The following TRAK2 variants were observed in gnomAD, a reference collection of about 807,000 sequenced individuals.
TRAK2 encodes trafficking kinesin protein 2.
TRAK2 carries 81 observed loss-of-function variants against 104.6 expected under a neutral mutation model. That is an observed-to-expected ratio of 0.77 (90% CI 0.65 to 0.93). The LOEUF (loss-of-function observed/expected upper bound fraction) is 0.93. Ranked by LOEUF, TRAK2 falls within the 40% of genes least tolerant of loss-of-function variation. The pLI, the probability that TRAK2 is intolerant of heterozygous loss-of-function variation, is 0.00. For synonymous variants in TRAK2, 406 were observed against 394.4 expected (o/e 1.03, Z -0.35); for missense variants, 1,002 against 1,089.0 (o/e 0.92, Z 1.12).
rs1294514302 is a variant in TRAK2 at position 201,391,242 on chromosome 2, T to C, written c.1114-1362A>G. Among the ~76,000 whole-genome samples, 3 of 152,088 alleles carry C rather than the reference T, an allele frequency of 2.0e-5. No individual in the cohort carries two copies. In the South Asian group the frequency reaches 6.2e-4, roughly 32 times the overall value. Reference sequence around the variant, plus strand: ...GATCATATCTAGGACAATCTGAATATCCTACATACAGATTGAATATACAAC... The same window carrying C: ...GATCATATCTAGGACAATCTGAATACCCTACATACAGATTGAATATACAAC... On this transcript the variant is annotated intron_variant, in intron 10 of 15. Transcript: ENST00000332624.
At chr2:201,396,580 C>T (rs1951504887) in intron 7 of TRAK2, among the ~76,000 whole-genome samples, 1 of 151,962 alleles carries the variant, frequency 6.6e-6, no homozygotes, top group South Asian at 2.1e-4. Flanking sequence ...AAATTAGGCA[C>T]AGTAAGAGAT....
intron 1 of TRAK2, among the ~76,000 whole-genome samples, chr2:201,421,167 TAG>T (rs1951737557): frequency 6.6e-6 from 1 of 152,220 alleles, no homozygotes. Flanking sequence ...TAATATATTG[TAG>T]AGTCTATAAC....
intron 2 of TRAK2, chr2:201,412,369 C>T (rs765920399): frequency 2.1e-4 from 280 of 1,339,646 alleles, no homozygotes; most frequent in Non-Finnish European, 2.8e-4. Flanking sequence ...TGCATCTGGT[C>T]TTACAGTTGG....
At chr2:201,410,843 G>C (rs1951639657) in intron 2 of TRAK2, 1 of 1,603,734 alleles carries the variant, frequency 6.2e-7, no homozygotes, top group Non-Finnish European at 8.5e-7. Context: ...GGTCTTTGTT[G>C]GGTTGGCTTC....
intron 2 of TRAK2, among the ~76,000 whole-genome samples, chr2:201,418,913 T>G (rs1326943080): frequency 4.6e-5 from 7 of 152,074 alleles, no homozygotes; most frequent in African/African-American, 1.7e-4. Flanking sequence ...AAGACACCAG[T>G]AAGAAGATGA....
At chr2:201,430,768 T>C (rs187443985) in intron 1 of TRAK2, among the ~76,000 whole-genome samples, 24 of 152,342 alleles carry the variant, frequency 1.6e-4, no homozygotes, top group Admixed American at 7.2e-4. Flanking sequence ...TTTGACCCTT[T>C]GCACTTCCCA....
At position 201,411,765 on chromosome 2, in the gene TRAK2, T is replaced by C. The variant is rs567176408; in HGVS notation, c.92-4168A>G. 1.1e-4 allele frequency: 90 copies of C among 787,766 alleles called. No individual in the cohort carries two copies. The East Asian group carries it at 2.1e-3, about 18-fold the overall frequency. 48.8% of individuals were successfully genotyped at this position (787,766 alleles called of 1,614,324 possible). A position where few individuals can be genotyped will look rare whatever the true frequency, so the allele number is the denominator to read the frequency against. Reference sequence around the variant, plus strand: ...GATACCATCAAGTACCAACCACTTATCCAAGTATTCCAAAATCTTTCCTAA... The same window carrying C: ...GATACCATCAAGTACCAACCACTTACCCAAGTATTCCAAAATCTTTCCTAA... On this transcript the variant is annotated intron_variant, in intron 2 of 15. Coordinates refer to ENST00000332624, the MANE Select transcript of TRAK2 (RefSeq NM_015049.3).
intron 10 of TRAK2, among the ~76,000 whole-genome samples, chr2:201,391,625 C>T (rs1298269370): frequency 6.6e-6 from 1 of 152,192 alleles, no homozygotes; most frequent in East Asian, 1.9e-4. Flanking sequence ...ATTTAATTAA[C>T]TGTTAATTAC....
intron 13 of TRAK2, among the ~76,000 whole-genome samples, chr2:201,387,345 AT>A (rs1463686596): frequency 6.6e-6 from 1 of 152,230 alleles, no homozygotes; most frequent in Middle Eastern, 3.2e-3. Flanking sequence ...GAAGGTGGAG[AT>A]GAATTATTAT....
intron 1 of TRAK2, among the ~76,000 whole-genome samples, chr2:201,450,556 C>G (rs560121226): frequency 6.6e-6 from 1 of 152,318 alleles, no homozygotes; most frequent in South Asian, 2.1e-4. Context: ...TTGGAGACTA[C>G]TGTACCTCAG....
intron 2 of TRAK2, among the ~76,000 whole-genome samples, chr2:201,409,279 C>CTT (rs35095618): frequency 2.8e-5 from 4 of 143,448 alleles, no homozygotes; most frequent in African/African-American, 5.1e-5. Flanking sequence ...TCAATGTCAG[C>CTT]TTTTTTTTTT....
chr2:201,440,597 C>G (rs975586098), intron 1 of TRAK2, among the ~76,000 whole-genome samples: 4 of 152,210 alleles, frequency 2.6e-5, no homozygotes, highest in Admixed American at 2.6e-4. Context: ...AAAGACAGCT[C>G]TTCCTCTATT....
intron 3 of TRAK2, among the ~76,000 whole-genome samples, chr2:201,402,668 C>T (rs1040847819): frequency 1.1e-4 from 17 of 152,134 alleles, no homozygotes; most frequent in African/African-American, 4.1e-4. Flanking sequence ...AAGGCAAATA[C>T]TTACAGTGAA....
chr2:201,390,412 A>AT (rs1484434646), intron 10 of TRAK2, among the ~76,000 whole-genome samples: 3 of 150,570 alleles, frequency 2.0e-5, no homozygotes, highest in Non-Finnish European at 4.4e-5. Flanking sequence ...AAAAAAAAAA[A>AT]AATTAGCCGG....
At chr2:201,442,814 GTTGAT>G (rs1435137978) in intron 1 of TRAK2, among the ~76,000 whole-genome samples, 3 of 152,176 alleles carry the variant, frequency 2.0e-5, no homozygotes, top group Admixed American at 2.0e-4. Flanking sequence ...TTGCACACTT[GTTGAT>G]CAGAGTGTAA....
At chr2:201,387,667 C>A in intron 13 of TRAK2, 36 bp downstream of exon 13, 1 of 1,518,100 alleles carries the variant, frequency 6.6e-7, no homozygotes, top group South Asian at 1.3e-5. Context: ...TCCAGTAAGT[C>A]ACATGGCTTA....
chr2:201,434,103 G>A (rs1180525670), intron 1 of TRAK2, among the ~76,000 whole-genome samples: 2 of 152,058 alleles, frequency 1.3e-5, no homozygotes, highest in South Asian at 2.1e-4. Flanking sequence ...GACTACAGGC[G>A]TCCGCCACCG....
At chr2:201,416,008 G>A (rs1951688982) in intron 2 of TRAK2, among the ~76,000 whole-genome samples, 1 of 152,030 alleles carries the variant, frequency 6.6e-6, no homozygotes, top group Non-Finnish European at 1.5e-5. Context: ...TTCATTTCAA[G>A]ATAGATGACA....
Position 201,407,386 on chromosome 2 carries a change from G to A in TRAK2, c.286+17C>T. The A allele has an allele frequency of 6.2e-7, 1 of 1,602,706 alleles. No homozygotes were observed. The highest frequency in any genetic ancestry group is 8.5e-7 in the Non-Finnish European group (1 of 1,173,704). ...TTACTTTAATGCACAAACTAAAAGA[G>A]TAAAAAAAATACTCACTCATGTAAC... On this transcript the variant is annotated intron_variant, in intron 3 of 15. Coordinates refer to ENST00000332624, the MANE Select transcript of TRAK2 (RefSeq NM_015049.3).
Sources: allele counts gnomAD v4.1 joint callset (sites outside exome capture counted in the v4.1 genomes callset), GRCh38; gene constraint gnomAD v4.1.1; transcripts MANE v1.5; gene names NCBI Gene and HGNC (gene_info 2026-07-23, HGNC 2026-07-21).